LDLRAD4: variants seen among roughly 807,000 people sequenced by gnomAD.
LDLRAD4 encodes low density lipoprotein receptor class A domain containing 4, also known as low-density lipoprotein receptor class A domain-containing protein 4.
LDLRAD4 carries 5 observed loss-of-function variants against 17.0 expected under a neutral mutation model. The ratio of observed to expected loss-of-function variants is 0.29; its 90% CI spans 0.15 to 0.62. The LOEUF (loss-of-function observed/expected upper bound fraction) is 0.62, where lower values mean the gene tolerates loss of function less well. LDLRAD4 is among the 20% of genes least tolerant of loss of function. LDLRAD4 has a pLI of 0.84. For missense variants in LDLRAD4, 340 were observed against 424.7 expected (o/e 0.80, Z 1.75); for synonymous variants, 168 against 171.8 (o/e 0.98, Z 0.17).
chr18:13,337,924 A>G (rs1262712979), intron 1 of LDLRAD4, among the ~76,000 whole-genome samples: 2 of 152,154 alleles, frequency 1.3e-5, no homozygotes, highest in Non-Finnish European at 1.5e-5. Context: ...AGATACAGTC[A>G]CAGTGGAAAG....
chr18:13,541,555 C>T (rs148182663), intron 3 of LDLRAD4, among the ~76,000 whole-genome samples: 4 of 152,278 alleles, frequency 2.6e-5, no homozygotes, highest in African/African-American at 9.6e-5. Flanking sequence ...GAGACTAGAA[C>T]TGGTCTTTCT....
At chr18:13,517,851 G>A (rs1175991304) in intron 3 of LDLRAD4, among the ~76,000 whole-genome samples, 1 of 152,084 alleles carries the variant, frequency 6.6e-6, no homozygotes, top group African/African-American at 2.4e-5. Context: ...CCATTCTCCT[G>A]CCTCAGCCTC....
At chr18:13,262,627 G>A (rs2043942842) in intron 1 of LDLRAD4, among the ~76,000 whole-genome samples, 1 of 83,992 alleles carries the variant, frequency 1.2e-5, no homozygotes, top group African/African-American at 6.9e-5. Context: ...TGGAAACTGA[G>A]TCCCGTGCGG....
At chr18:13,436,251 A>G (rs1278003836) in intron 2 of LDLRAD4, among the ~76,000 whole-genome samples, 2 of 152,236 alleles carry the variant, frequency 1.3e-5, no homozygotes, top group Non-Finnish European at 2.9e-5. Flanking sequence ...TCCATGTCTC[A>G]GTACCTAGCA....
intron 3 of LDLRAD4, among the ~76,000 whole-genome samples, chr18:13,439,157 A>G (rs1354315296): frequency 6.6e-6 from 1 of 152,044 alleles, no homozygotes; most frequent in East Asian, 1.9e-4. Flanking sequence ...TTTATGATGC[A>G]TTGAGCTTCT....
chr18:13,578,004 T>C (rs371152536), intron 3 of LDLRAD4, among the ~76,000 whole-genome samples: 1 of 151,868 alleles, frequency 6.6e-6, no homozygotes, highest in Admixed American at 6.5e-5. Flanking sequence ...AGAGTGGCTG[T>C]GAGGAAGGGA....
chr18:13,473,074 G>T (rs1394044425), intron 3 of LDLRAD4, among the ~76,000 whole-genome samples: 1 of 107,928 alleles, frequency 9.3e-6, no homozygotes, highest in East Asian at 2.5e-4. Context: ...AGAACCCCCC[G>T]CCCCCGCCTG....
At chr18:13,421,616 C>A (rs540932607) in intron 2 of LDLRAD4, among the ~76,000 whole-genome samples, 2 of 152,190 alleles carry the variant, frequency 1.3e-5, no homozygotes, top group African/African-American at 4.8e-5. Flanking sequence ...CTGGCCTTCA[C>A]GCGTCAGAAG....
chr18:13,477,644 C>G (rs568529938), intron 3 of LDLRAD4, among the ~76,000 whole-genome samples: 113 of 152,332 alleles, frequency 7.4e-4, no homozygotes, highest in Admixed American at 1.9e-3. Context: ...GACCAAGCCC[C>G]TCTTTTCATA....
At chr18:13,620,937 C>A (rs528475334) in intron 3 of LDLRAD4, 180 bp from the exon 5 acceptor site, 1 of 846,178 alleles carries the variant, frequency 1.2e-6, no homozygotes, top group East Asian at 2.4e-5. Context: ...AGCCTCCCGA[C>A]TGTGCCGTGG....
intron 3 of LDLRAD4, among the ~76,000 whole-genome samples, chr18:13,552,529 C>T (rs910546319): frequency 6.6e-6 from 1 of 152,198 alleles, no homozygotes; most frequent in Non-Finnish European, 1.5e-5. Context: ...CAGTCACGAT[C>T]CTTCCCCCTG....
intron 1 of LDLRAD4, among the ~76,000 whole-genome samples, chr18:13,384,949 G>A (rs2145172282): frequency 6.6e-6 from 1 of 152,336 alleles, no homozygotes; most frequent in Admixed American, 6.5e-5. Flanking sequence ...ATGAACACGG[G>A]AGTGTAGATA....
chr18:13,590,887 A>T (rs552058692), intron 3 of LDLRAD4, among the ~76,000 whole-genome samples: 1 of 152,182 alleles, frequency 6.6e-6, no homozygotes, highest in South Asian at 2.1e-4. Context: ...TTATCATCAG[A>T]TGGAATGGAG....
rs1244109907 is a variant in LDLRAD4 at position 13,534,386 on chromosome 18, TC to T, written c.182-86726del. Among the ~76,000 whole-genome samples the T allele has an allele frequency of 3.9e-5, 6 of 152,186 alleles. No individual in the cohort carries two copies. The East Asian group carries it at 9.6e-4, about 24-fold the overall frequency. On this transcript the variant is annotated intron_variant, in intron 3 of 5. Transcript: ENST00000359446. ...ACCTGTTGTTAAATCACCCTGTGTT[TC>T]CCCCATAAACACGAATGTTAATTTA... is the stretch of plus-strand genomic sequence containing the variant.
At chr18:13,620,214 A>T (rs1026645632) in intron 3 of LDLRAD4, among the ~76,000 whole-genome samples, 17 of 152,154 alleles carry the variant, frequency 1.1e-4, no homozygotes, top group Admixed American at 1.1e-3. Context: ...GCTGCGGCAC[A>T]TGTACGTGCA....
At chr18:13,546,365 TC>T (rs889074190) in intron 3 of LDLRAD4, among the ~76,000 whole-genome samples, 2 of 81,872 alleles carry the variant, frequency 2.4e-5, no homozygotes, top group Middle Eastern at 7.1e-3. Flanking sequence ...TGGCCTCCCC[TC>T]CCCCCTCCCC....
intron 3 of LDLRAD4, among the ~76,000 whole-genome samples, chr18:13,510,788 G>A (rs1214754202): frequency 6.6e-6 from 1 of 152,220 alleles, no homozygotes; most frequent in Non-Finnish European, 1.5e-5. Flanking sequence ...GTGATGGACT[G>A]TCTGTCTCCA....
At chr18:13,611,607 G>A in intron 3 of LDLRAD4, 8 of 985,408 alleles carry the variant, frequency 8.1e-6, no homozygotes, top group Non-Finnish European at 9.6e-6. Flanking sequence ...CTGCTTTCAT[G>A]TTTGAATTGC....
chr18:13,531,617 A>T (rs1292714561), intron 3 of LDLRAD4, among the ~76,000 whole-genome samples: 1 of 138,048 alleles, frequency 7.2e-6, no homozygotes, highest in African/African-American at 2.7e-5. Context: ...TAAAGAAATC[A>T]CACTTTGTGA....
Sources: allele counts gnomAD v4.1 joint callset (sites outside exome capture counted in the v4.1 genomes callset), GRCh38; gene constraint gnomAD v4.1.1; transcripts MANE v1.5; gene names NCBI Gene and HGNC (gene_info 2026-07-23, HGNC 2026-07-21).